TRANK1: variants seen among roughly 807,000 people sequenced by gnomAD.
TRANK1 encodes tetratricopeptide repeat and ankyrin repeat containing 1, also known as TPR and ankyrin repeat-containing protein 1.
A neutral mutation model predicts 266.0 loss-of-function variants in TRANK1; 198 were observed. That is an observed-to-expected ratio of 0.74 (90% CI 0.66 to 0.84). The LOEUF (loss-of-function observed/expected upper bound fraction) is 0.84, where lower values mean the gene tolerates loss of function less well. TRANK1 is among the 40% of genes least tolerant of loss of function. The probability of loss-of-function intolerance (pLI) is 0.00; values close to 1 mark genes in which losing one functional copy is unlikely to be tolerated. For synonymous variants in TRANK1, 1,396 were observed against 1,384.1 expected (o/e 1.01, Z -0.19); for missense variants, 3,326 against 3,634.6 (o/e 0.92, Z 2.18).
rs766667499 is a variant in TRANK1 at position 36,855,470 on chromosome 3, A to C, written c.4252T>G (p.Ser1418Ala). ...FDEEDVLYNI[S>A]RRLSKLRVLP... The stretch of plus-strand genomic sequence containing the variant: ...ACCCTGAGCTTCGACAGCCTCCGGG[A>C]TATGTTGTACAGAACATCCTCTTCA... Residue 1418 changes from serine to alanine, a missense_variant, in exon 13 of 24, where the codon TCC (serine) becomes GCC (alanine). Ser to Ala is a moderately conservative substitution (Grantham distance 99). Transcript: ENST00000645898. 13 of 1,613,918 alleles carry C rather than the reference A, an allele frequency of 8.1e-6. No individual in the cohort carries two copies. The highest frequency in any genetic ancestry group is 1.1e-5 in the Non-Finnish European group (13 of 1,179,870).
At position 36,874,237 on chromosome 3, in the gene TRANK1, G is replaced by A. The variant is rs1391805210; in HGVS notation, c.967C>T (p.Arg323Ter). 3.8e-5 allele frequency: 59 copies of A among 1,537,002 alleles called. No homozygotes were observed. The highest frequency in any genetic ancestry group is 4.8e-5 in the Non-Finnish European group (55 of 1,146,874). The part of the protein sequence containing the change: ...RFGADPTLLD[R>*]QSRSVVDVLK... ...ACATCCACAACAGACCGAGACTGTC[G>A]ATCCAGCAAAGTGGGATCTGCCCCA... Residue 323 changes from arginine (R) to a stop codon, truncating the protein, a stop_gained, in exon 9 of 24, where the codon CGA becomes TGA. Coordinates refer to ENST00000645898, the MANE Select transcript of TRANK1 (RefSeq NM_001329998.2). LOFTEE classifies it high-confidence loss of function.
intron 2 of TRANK1, among the ~76,000 whole-genome samples, chr3:36,907,488 G>A (rs533376616): frequency 3.0e-5 from 4 of 134,610 alleles, no homozygotes; most frequent in Admixed American, 8.1e-5. Flanking sequence ...TTTTTGAGAC[G>A]GAGTCTGGCT....
At chr3:36,891,862 C>A (rs1007532526) in intron 7 of TRANK1, among the ~76,000 whole-genome samples, 3 of 152,070 alleles carry the variant, frequency 2.0e-5, no homozygotes, top group African/African-American at 7.2e-5. Flanking sequence ...GCTGCCTATG[C>A]CGGAAGGAGG....
rs781761921 is a variant in TRANK1, at chr3:36,892,909, G to A, written c.628C>T (p.Leu210Phe). ...TATATATATCACCTTACCTCAAAGA[G>A]ACTTTTCAGTGATAACTCTGGGACA... Reference protein sequence around the residue: ...IHVPELSLKSLFEKYVFIGLY... With the variant: ...IHVPELSLKSFFEKYVFIGLY... The change falls in exon 6 of 24, where the codon CTC becomes TTC. Residue 210 changes from leucine (L) to phenylalanine (F), a missense_variant. Leu to Phe is a conservative substitution (Grantham distance 22). Coordinates refer to ENST00000645898, the MANE Select transcript of TRANK1 (RefSeq NM_001329998.2). 9.2e-5 allele frequency: 135 copies of A among 1,472,566 alleles called. No individual in the cohort carries two copies. The highest frequency in any genetic ancestry group is 1.2e-4 in the Non-Finnish European group (132 of 1,117,956). 91.2% of individuals were successfully genotyped at this position (1,472,566 alleles called of 1,614,324 possible).
intron 1 of TRANK1, among the ~76,000 whole-genome samples, chr3:36,929,730 C>T (rs983444623): frequency 6.6e-6 from 1 of 152,302 alleles, no homozygotes; most frequent in Middle Eastern, 3.4e-3. Context: ...AGGAAGTTTA[C>T]CGATGTAATT....
chr3:36,880,819 C>T (rs1428709314), intron 8 of TRANK1: 1 of 151,318 alleles, frequency 6.6e-6, no homozygotes, highest in Non-Finnish European at 1.5e-5. Context: ...ATACATGTGC[C>T]ATGTTGGTGT....
At chr3:36,892,748 T>G (rs547835598) in intron 6 of TRANK1, among the ~76,000 whole-genome samples, 153 bp downstream of exon 6, 2 of 151,912 alleles carry the variant, frequency 1.3e-5, no homozygotes, top group Admixed American at 1.3e-4. Flanking sequence ...GGAGAATTGC[T>G]TCAACCCAGG....
chr3:36,903,510 G>A (rs1229516820), intron 2 of TRANK1, among the ~76,000 whole-genome samples: 1 of 152,228 alleles, frequency 6.6e-6, no homozygotes, highest in African/African-American at 2.4e-5. Flanking sequence ...AATGACAATT[G>A]TTCTCAACAG....
At chr3:36,893,431 A>G (rs185309302) in intron 5 of TRANK1, among the ~76,000 whole-genome samples, 57 of 152,310 alleles carry the variant, frequency 3.7e-4, no homozygotes, top group South Asian at 1.0e-3. Flanking sequence ...GACCCTGTCA[A>G]TGGTGTGCTG....
intron 19 of TRANK1, 42 bp downstream of exon 19, chr3:36,838,571 A>T: frequency 6.2e-7 from 1 of 1,613,818 alleles, no homozygotes; most frequent in Non-Finnish European, 8.5e-7. Context: ...TTAACCTGCT[A>T]CTCCCATCGG....
In TRANK1 at chr3:36,892,297, G is replaced by A; in HGVS notation, c.680C>T (p.Pro227Leu). The stretch of plus-strand genomic sequence containing the variant: ...GGAGATGAGCCACTGGACTAACTTG[G>A]GCACTTGTTCCATCTTCTCATAAAG... ...IGLYEKMEQV[P>L]KLVQWLISIG... is the part of the protein sequence containing the mutation. The change falls in exon 7 of 24, where the codon CCC (proline) becomes CTC (leucine). Residue 227 changes from proline to leucine, a missense_variant. Pro to Leu is a moderately conservative substitution (Grantham distance 98, BLOSUM62 -3). Coordinates refer to ENST00000645898, the MANE Select transcript of TRANK1 (RefSeq NM_001329998.2). The A allele has an allele frequency of 6.5e-7, 1 of 1,537,032 alleles. No homozygotes were observed. The highest frequency in any genetic ancestry group is 8.7e-7 in the Non-Finnish European group (1 of 1,146,872).
chr3:36,897,750 A>T (rs2079813734), intron 4 of TRANK1, among the ~76,000 whole-genome samples: 2 of 152,256 alleles, frequency 1.3e-5, no homozygotes, highest in South Asian at 2.1e-4. Flanking sequence ...GGCAGAGCAT[A>T]AATTAATAGC....
intron 8 of TRANK1, among the ~76,000 whole-genome samples, chr3:36,878,187 T>C (rs1457486320): frequency 6.6e-6 from 1 of 152,184 alleles, no homozygotes; most frequent in Admixed American, 6.5e-5. Flanking sequence ...TGTTGTGAAC[T>C]ACGCATGTGA....
At position 36,832,379 on chromosome 3, in the gene TRANK1, T is replaced by A; in HGVS notation, c.7204A>T (p.Thr2402Ser). 6.2e-7 allele frequency: 1 copy of A among 1,613,906 alleles called. No homozygotes were observed. The highest frequency in any genetic ancestry group is 8.5e-7 in the Non-Finnish European group (1 of 1,179,872). ...AGAAGCCGGATGAAGCACAGGTGGGTCTTGTCCATATTTTCATCATCCCTG... is the reference window on the plus strand; with the variant it reads ...AGAAGCCGGATGAAGCACAGGTGGGACTTGTCCATATTTTCATCATCCCTG... ...PNRDDENMDKTHLCFIRLLEN... is the reference protein window; with the variant it reads ...PNRDDENMDKSHLCFIRLLEN... The change falls in exon 22 of 24, where the codon ACC becomes TCC. Residue 2402 changes from threonine to serine, a missense_variant. Coordinates refer to ENST00000645898, the MANE Select transcript of TRANK1 (RefSeq NM_001329998.2).
chr3:36,910,535 T>C (rs2080036543), intron 1 of TRANK1, among the ~76,000 whole-genome samples: 1 of 149,900 alleles, frequency 6.7e-6, no homozygotes, highest in Admixed American at 6.6e-5. Flanking sequence ...AGGTCAGGAG[T>C]TCGAGTCCAG....
chr3:36,847,204 T>C lies in TRANK1; in HGVS notation c.5030A>G (p.Tyr1677Cys), dbSNP rs369403505. Residue 1677 changes from tyrosine (Y) to cysteine (C), a missense_variant, in exon 16 of 24, where the codon TAC becomes TGC. Physicochemically the swap from Tyr to Cys is radical, Grantham distance 194 (BLOSUM62 -2). Transcript: ENST00000645898. ...TGACAAATGGCAGAAATTCACCTTG[T>C]ACATTTCTGGATTCACCATGAGAGA... ...GRSLMVNPEM[Y>C]KLLNGELKQL... The C allele has an allele frequency of 6.2e-7, 1 of 1,612,682 alleles. No individual in the cohort carries two copies. The highest frequency in any genetic ancestry group is 1.3e-5 in the African/African-American group (1 of 74,882).
chr3:36,850,425 G>T (rs2078970655), intron 15 of TRANK1: 1 of 985,364 alleles, frequency 1.0e-6, no homozygotes, highest in Non-Finnish European at 1.2e-6. Context: ...TCATCTCCAG[G>T]CTCTGCCATC....
intron 15 of TRANK1, chr3:36,850,734 T>C: frequency 5.1e-6 from 5 of 984,250 alleles, no homozygotes; most frequent in Non-Finnish European, 6.0e-6. Flanking sequence ...ATATCAATAT[T>C]GTAATAGTTG....
rs925383723 is a variant in TRANK1 at position 36,927,799 on chromosome 3, C to G, written c.23+16988G>C. Among the ~76,000 whole-genome samples the G allele has an allele frequency of 5.3e-5, 8 of 152,300 alleles. No individual in the cohort carries two copies. The East Asian group carries it at 9.6e-4, about 18-fold the overall frequency. On this transcript the variant is annotated intron_variant, in intron 1 of 23. Transcript: ENST00000645898. ...ATTTTTCTACTCAGTGGAAATTTAG[C>G]CTTCAATTCTTGTGTGTGAGAGTAT... is the stretch of plus-strand genomic sequence containing the variant.
Sources: allele counts gnomAD v4.1 joint callset (sites outside exome capture counted in the v4.1 genomes callset), GRCh38; gene constraint gnomAD v4.1.1; transcripts MANE v1.5; gene names NCBI Gene and HGNC (gene_info 2026-07-23, HGNC 2026-07-21).